The following BLOC1S3 variants were observed in gnomAD, a reference collection of about 807,000 sequenced individuals.
BLOC1S3 encodes biogenesis of lysosomal organelles complex 1 subunit 3.
BLOC1S3 carries 7 observed loss-of-function variants against 9.1 expected under a neutral mutation model. The ratio of observed to expected loss-of-function variants is 0.77; its 90% CI spans 0.44 to 1.45. The LOEUF (loss-of-function observed/expected upper bound fraction) is 1.45. Among genes scored for constraint, BLOC1S3 ranks in the 40% most tolerant of loss-of-function variants. The probability of loss-of-function intolerance (pLI) is 0.01; values close to 1 mark genes in which losing one functional copy is unlikely to be tolerated. For synonymous variants in BLOC1S3, 145 were observed against 158.4 expected (o/e 0.92, Z 0.64); for missense variants, 307 against 315.2 (o/e 0.97, Z 0.20).
Position 45,180,629 on chromosome 19 carries a change from C to T in BLOC1S3, c.*724C>T, listed in dbSNP as rs1221784132. The T allele has an allele frequency of 1.2e-5, 2 of 167,298 alleles. No homozygotes were observed. Among genetic ancestry groups the T allele is most frequent in the Middle Eastern group, 3.4e-3 (1 of 296 alleles). 10.4% of individuals were successfully genotyped at this position (167,298 alleles called of 1,614,324 possible). On this transcript the variant is annotated 3_prime_UTR_variant, in exon 2 of 2. Transcript: ENST00000433642. ...TTGTTCCCGTTCTTCCCACAAGAAC[C>T]CAGGATGTGGCACAGCTTCCCTGCC...
chr19:45,194,348 G>C (rs1969631764), intron 2 of BLOC1S3, among the ~76,000 whole-genome samples: 1 of 146,014 alleles, frequency 6.8e-6, no homozygotes. Context: ...CCTAACCTCA[G>C]GTGATCCACC....
chr19:45,213,003 GC>G, intron 3 of BLOC1S3: 1 of 1,406,972 alleles, frequency 7.1e-7, no homozygotes, highest in Non-Finnish European at 9.2e-7. Flanking sequence ...CAGGAGGGGC[GC>G]CGTACGGGAG....
intron 2 of BLOC1S3, among the ~76,000 whole-genome samples, chr19:45,199,861 G>T (rs1273874630): frequency 6.6e-6 from 1 of 151,800 alleles, no homozygotes; most frequent in Non-Finnish European, 1.5e-5. Flanking sequence ...CACTTCCTGC[G>T]TTCAATCAAT....
intron 3 of BLOC1S3, among the ~76,000 whole-genome samples, chr19:45,210,563 C>T (rs949213757): frequency 2.6e-5 from 4 of 150,970 alleles, no homozygotes; most frequent in African/African-American, 9.7e-5. Flanking sequence ...CCTCCCAAAG[C>T]GCTGGGATTA....
At chr19:45,216,235 T>C (rs76738189) in intron 3 of BLOC1S3, 53,192 of 1,606,030 alleles carry the variant, frequency 0.033, 1,156 homozygotes, top group East Asian at 0.1. Context: ...CCTCCCAAGA[T>C]TGACCCTGCC....
At chr19:45,183,679 T>C (rs1312972901), downstream of BLOC1S3, among the ~76,000 whole-genome samples, 1 of 141,580 alleles carries the variant, frequency 7.1e-6, no homozygotes, top group Non-Finnish European at 1.5e-5. Flanking sequence ...CAGGCTGGAG[T>C]GCAGTGGCGA....
intron 2 of BLOC1S3, among the ~76,000 whole-genome samples, chr19:45,189,885 C>T (rs769822609): frequency 1.3e-5 from 2 of 152,056 alleles, no homozygotes; most frequent in Admixed American, 6.6e-5. Context: ...CTCTTTAAGT[C>T]CAGTAATTCT....
chr19:45,197,929 G>C (rs1466430361), intron 2 of BLOC1S3, among the ~76,000 whole-genome samples: 1 of 151,624 alleles, frequency 6.6e-6, no homozygotes, highest in East Asian at 1.9e-4. Context: ...GAACAAGTCA[G>C]AGTTTGCAGG....
chr19:45,213,004 C>A, intron 3 of BLOC1S3: 1 of 1,411,178 alleles, frequency 7.1e-7, no homozygotes, highest in Admixed American at 3.2e-5. Context: ...AGGAGGGGCG[C>A]CGTACGGGAG....
chr19:45,183,295 C>G (rs1031236158), downstream of BLOC1S3, among the ~76,000 whole-genome samples: 1 of 151,990 alleles, frequency 6.6e-6, no homozygotes, highest in East Asian at 1.9e-4. Context: ...GCCTGGCCAA[C>G]GTGGTGAAAC....
At chr19:45,205,104 T>C (rs1158499036) in intron 3 of BLOC1S3, among the ~76,000 whole-genome samples, 2 of 152,092 alleles carry the variant, frequency 1.3e-5, no homozygotes, top group Non-Finnish European at 2.9e-5. Context: ...CATCCAATTA[T>C]AAGACAGAGA....
rs768620173 is a variant in BLOC1S3 at position 45,179,950 on chromosome 19, T to C, written c.*45T>C. On this transcript the variant is annotated 3_prime_UTR_variant, in exon 2 of 2. Coordinates refer to ENST00000433642, the MANE Select transcript of BLOC1S3 (RefSeq NM_212550.5). The surrounding 1 kb of genome is among the most constrained non-coding windows in gnomAD (Gnocchi z 4.6). ...CCTGACTGCAATTTGGGGGTAGGCC[T>C]TGCTGCCTCTGGGACCTGACTCTGT... 2 of 1,586,984 alleles carry C rather than the reference T, an allele frequency of 1.3e-6. No individual in the cohort carries two copies. The highest frequency in any genetic ancestry group is 1.7e-5 in the Admixed American group (1 of 57,802).
chr19:45,199,011 A>C (rs937494103), intron 2 of BLOC1S3: 5 of 152,114 alleles, frequency 3.3e-5, no homozygotes, highest in African/African-American at 1.2e-4. Flanking sequence ...CACGGCCTCC[A>C]TTGTAAGTTA....
intron 3 of BLOC1S3, chr19:45,213,324 A>G: frequency 6.2e-7 from 1 of 1,613,678 alleles, no homozygotes; most frequent in South Asian, 1.1e-5. Flanking sequence ...TGCGCAGGCC[A>G]CGGATGTCGA....
chr19:45,195,318 C>A (rs1969639203), intron 2 of BLOC1S3, among the ~76,000 whole-genome samples: 1 of 152,056 alleles, frequency 6.6e-6, no homozygotes, highest in African/African-American at 2.4e-5. Flanking sequence ...GCAGTCCTCC[C>A]ACCTCAGCCA....
At chr19:45,189,524 C>T (rs529061719) in intron 2 of BLOC1S3, among the ~76,000 whole-genome samples, 1 of 151,728 alleles carries the variant, frequency 6.6e-6, no homozygotes, top group Admixed American at 6.6e-5. Context: ...CCTCTACCTC[C>T]CAGGTTCAAG....
In BLOC1S3 at chr19:45,190,996, G is replaced by A. The variant is rs552359704; in HGVS notation, n.180+3256G>A. On this transcript the variant is annotated intron_variant and non_coding_transcript_variant, in intron 2 of 3. Coordinates refer to the BLOC1S3 transcript ENST00000591569. Reference sequence around the variant, plus strand: ...AATTTTTTGTTTTTTTAGTAGAGACGGGGTTTCACCATGTTAGTCAGGATG... The same window carrying A: ...AATTTTTTGTTTTTTTAGTAGAGACAGGGTTTCACCATGTTAGTCAGGATG... Among the ~76,000 whole-genome samples the A allele has an allele frequency of 8.9e-3, 1,337 of 150,578 alleles. 11 individuals are homozygous for A. Among genetic ancestry groups the A allele is most frequent in the Non-Finnish European group, 0.016 (1,058 of 67,720 alleles).
intron 2 of BLOC1S3, among the ~76,000 whole-genome samples, chr19:45,194,802 G>A (rs1381238519): frequency 6.6e-6 from 1 of 152,118 alleles, no homozygotes; most frequent in Non-Finnish European, 1.5e-5. Flanking sequence ...AATTGGGGAG[G>A]AGGCAAGGGG....
intron 1 of BLOC1S3, among the ~76,000 whole-genome samples, 162 bp downstream of exon 1, chr19:45,178,993 T>C (rs1969461591): frequency 6.6e-6 from 1 of 152,160 alleles, no homozygotes; most frequent in African/African-American, 2.4e-5. Flanking sequence ...GTGGAGGGTG[T>C]GGCCTCTACT....
Sources: allele counts gnomAD v4.1 joint callset (sites outside exome capture counted in the v4.1 genomes callset), GRCh38; gene constraint gnomAD v4.1.1; non-coding constraint Gnocchi (gnomAD v3.1); transcripts MANE v1.5; gene names NCBI Gene and HGNC (gene_info 2026-07-23, HGNC 2026-07-21).